The following CELF2 variants were observed in gnomAD, a reference collection of about 807,000 sequenced individuals.
The protein encoded by CELF2 is CUG triplet repeat RNA-binding protein 2.
In CELF2, 8 loss-of-function variants were observed where a neutral mutation model predicts 62.6. The ratio of observed to expected loss-of-function variants is 0.13; its 90% CI spans 0.07 to 0.23. The LOEUF (loss-of-function observed/expected upper bound fraction) is 0.23, where lower values mean the gene tolerates loss of function less well. Among genes scored for constraint, CELF2 ranks in the 10% least tolerant of loss-of-function variants. The probability of loss-of-function intolerance (pLI) is 1.00; values close to 1 mark genes in which losing one functional copy is unlikely to be tolerated. For missense variants in CELF2, 333 were observed against 671.0 expected, an observed-to-expected ratio of 0.50 and a Z score of 5.56; for synonymous variants, 258 against 250.0, an observed-to-expected ratio of 1.03 and a Z score of -0.30.
intron 8 of CELF2, among the ~76,000 whole-genome samples, chr10:11,282,081 G>T (rs1291969092): frequency 1.3e-5 from 2 of 152,110 alleles, no homozygotes; most frequent in Non-Finnish European, 2.9e-5. Flanking sequence ...TTAACTTCTG[G>T]GCCCCTGTCA....
At chr10:10,507,154 G>C in the CELF2 span, among the ~76,000 whole-genome samples, 1 of 152,100 alleles carries the variant, frequency 6.6e-6, no homozygotes, top group Non-Finnish European at 1.5e-5. Flanking sequence ...GTTGACATGA[G>C]CCCTTCCTTT....
At chr10:10,753,635 T>G in the CELF2 span, among the ~76,000 whole-genome samples, 1 of 152,116 alleles carries the variant, frequency 6.6e-6, no homozygotes, top group Admixed American at 6.6e-5. Context: ...AGCATTTCTC[T>G]TTCTTATATT....
At chr10:10,624,744 G>T in the CELF2 span, among the ~76,000 whole-genome samples, 8 of 152,174 alleles carry the variant, frequency 5.3e-5, no homozygotes, top group African/African-American at 1.9e-4. Flanking sequence ...GTTTCCCTGA[G>T]ATTTGACAAA....
At chr10:10,653,323 A>C in the CELF2 span, among the ~76,000 whole-genome samples, 2 of 150,206 alleles carry the variant, frequency 1.3e-5, no homozygotes, top group African/African-American at 4.9e-5. Flanking sequence ...CAGAAAGTCA[A>C]CAAGGATACC....
intron 1 of CELF2, among the ~76,000 whole-genome samples, chr10:11,103,228 C>T (rs2052302407): frequency 6.6e-6 from 1 of 152,118 alleles, no homozygotes; most frequent in South Asian, 2.1e-4. Context: ...AACCCCACAC[C>T]ATGCTTACAT....
chr10:11,033,666 T>C (rs997018333), intron 1 of CELF2, among the ~76,000 whole-genome samples: 1 of 152,194 alleles, frequency 6.6e-6, no homozygotes, highest in African/African-American at 2.4e-5. Flanking sequence ...AGAAAGGTAA[T>C]TAGACTAGAA....
intron 2 of CELF2, among the ~76,000 whole-genome samples, chr10:11,179,750 TC>T (rs1035430510): frequency 5.9e-5 from 9 of 152,072 alleles, no homozygotes; most frequent in Non-Finnish European, 1.0e-4. Flanking sequence ...TTCTTTTCTT[TC>T]CCCCCTGAAG....
At position 11,214,063 on chromosome 10, in the gene CELF2, C is replaced by T. The variant is rs1374885233; in HGVS notation, c.272-3362C>T. ...CTTTGGGAGGCCGAGGTGGGAGGAC[C>T]ACTTGAGGCCAGGAGTCCAAGACCA... On this transcript the variant is annotated intron_variant, in intron 2 of 12. Coordinates refer to ENST00000633077, the MANE Select transcript of CELF2 (RefSeq NM_001326342.2). The surrounding 1 kb of genome is among the most constrained non-coding windows in gnomAD (Gnocchi z 4.2). Among the ~76,000 whole-genome samples, 1 of 152,224 alleles carries T rather than the reference C, an allele frequency of 6.6e-6. No individual in the cohort carries two copies. The highest frequency in any genetic ancestry group is 2.1e-4 in the South Asian group (1 of 4,816).
intron 1 of CELF2, among the ~76,000 whole-genome samples, chr10:10,907,968 T>C (rs1022958725): frequency 3.9e-5 from 6 of 152,294 alleles, no homozygotes; most frequent in Middle Eastern, 3.4e-3. Flanking sequence ...GGAGTAGTGT[T>C]ATTTCAAATG....
intron 9 of CELF2, among the ~76,000 whole-genome samples, chr10:11,308,107 C>A (rs2094359058): frequency 6.6e-6 from 1 of 152,244 alleles, no homozygotes; most frequent in Non-Finnish European, 1.5e-5. Context: ...TTACTAACTT[C>A]TCATCCATTG....
the CELF2 span, among the ~76,000 whole-genome samples, chr10:10,608,425 C>T: frequency 2.0e-5 from 3 of 152,202 alleles, no homozygotes; most frequent in Non-Finnish European, 1.5e-5. Context: ...GGACTTAGTG[C>T]ATCCCACAGG....
the CELF2 span, among the ~76,000 whole-genome samples, chr10:10,476,162 A>G: frequency 5.2e-3 from 785 of 152,154 alleles, 8 homozygotes; most frequent in African/African-American, 0.018. Context: ...TATAATTTCA[A>G]CGTGTTTCAG....
rs1385570328 is a variant in CELF2 at position 10,928,652 on chromosome 10, T to C, written c.89+8653T>C. 6.6e-6 allele frequency among the ~76,000 whole-genome samples: 1 copy of C among 152,214 alleles called. No individual in the cohort carries two copies. The highest frequency in any genetic ancestry group is 1.9e-4 in the East Asian group (1 of 5,198). ...TTTTATAGAAAGGTTTGCTGACCAC[T>C]GTTCTATACACATCCTAGGTTTCTT... On this transcript the variant is annotated intron_variant, in intron 2 of 13. Coordinates refer to the CELF2 transcript ENST00000636488. The surrounding 1 kb of genome is among the most constrained non-coding windows in gnomAD (Gnocchi z 4.8).
At chr10:10,607,889 G>A in the CELF2 span, among the ~76,000 whole-genome samples, 1 of 152,114 alleles carries the variant, frequency 6.6e-6, no homozygotes, top group South Asian at 2.1e-4. Context: ...CCAGGAGGTG[G>A]GAGGTGGCAG....
the CELF2 span, among the ~76,000 whole-genome samples, chr10:10,586,129 A>G: frequency 1.3e-5 from 2 of 152,344 alleles, no homozygotes; most frequent in South Asian, 2.1e-4. Context: ...TTTTACTCTC[A>G]CAACTCTGAG....
At chr10:10,889,083 T>C (rs1384648965) in intron 1 of CELF2, among the ~76,000 whole-genome samples, 1 of 152,200 alleles carries the variant, frequency 6.6e-6, no homozygotes, top group East Asian at 1.9e-4. Flanking sequence ...AATGCAAAAC[T>C]CTTAATGTAA....
intron 1 of CELF2, chr10:11,030,513 T>C (rs369061209): frequency 2.0e-5 from 3 of 152,368 alleles, no homozygotes; most frequent in South Asian, 4.1e-4. Context: ...GTTGCACCTC[T>C]GTTTCTCGTC....
intron 1 of CELF2, among the ~76,000 whole-genome samples, chr10:11,022,026 C>T (rs1396126889): frequency 6.6e-6 from 1 of 152,076 alleles, no homozygotes; most frequent in Non-Finnish European, 1.5e-5. Context: ...AGATCAAAAG[C>T]AGTGGGGTTC....
the CELF2 span, among the ~76,000 whole-genome samples, chr10:10,465,648 C>T: frequency 2.0e-5 from 3 of 152,078 alleles, no homozygotes; most frequent in African/African-American, 7.2e-5. Flanking sequence ...CACCCACTGC[C>T]TTTGTCATTC....
Sources: gnomAD v4.1 joint callset for allele counts (sites outside exome capture counted in the v4.1 genomes callset) on GRCh38, gnomAD v4.1.1 for gene constraint, Gnocchi (gnomAD v3.1) non-coding constraint, MANE v1.5 for transcripts, NCBI Gene and HGNC (gene_info 2026-07-23, HGNC 2026-07-21) for gene names.